The following ZNF610 variants were observed in gnomAD, a reference collection of about 807,000 sequenced individuals.
ZNF610 encodes the protein zink finger protein.
A neutral mutation model predicts 14.1 loss-of-function variants in ZNF610; 14 were observed. The ratio of observed to expected loss-of-function variants is 0.99; its 90% confidence interval spans 0.65 to 1.55. The LOEUF is 1.55. ZNF610 is among the 40% of genes most tolerant of loss of function. The pLI, the probability that ZNF610 is intolerant of heterozygous loss-of-function variation, is 0.00. For synonymous variants in ZNF610, 185 were observed against 187.6 expected (o/e 0.99, Z 0.11); for missense variants, 530 against 558.0 (o/e 0.95, Z 0.51).
intron 5 of ZNF610, among the ~76,000 whole-genome samples, chr19:52,361,035 TG>T: frequency 6.6e-6 from 1 of 152,326 alleles, no homozygotes; most frequent in Middle Eastern, 3.4e-3. Context: ...TACTTGTTTT[TG>T]TTAGTAGTTA....
intron 1 of ZNF610, among the ~76,000 whole-genome samples, chr19:52,342,817 G>T (rs189465276): frequency 6.6e-6 from 1 of 152,172 alleles, no homozygotes; most frequent in Admixed American, 6.5e-5. Context: ...GAGCCACCGC[G>T]CCTGGCCCTG....
chr19:52,335,000 A>C (rs1177831779), upstream of ZNF610, among the ~76,000 whole-genome samples: 1 of 114,440 alleles, frequency 8.7e-6, no homozygotes, highest in Non-Finnish European at 1.9e-5. Flanking sequence ...TGGTTTTTTT[A>C]AAAGCAACAG....
intron 2 of ZNF610, 68 bp from the exon 3 acceptor site, chr19:52,349,086 T>G: frequency 8.9e-7 from 1 of 1,124,694 alleles, no homozygotes; most frequent in Non-Finnish European, 1.3e-6. Flanking sequence ...AACCTGTGTG[T>G]GTGGTTGTGG....
chr19:52,334,294 C>T (rs1379992635), upstream of ZNF610, among the ~76,000 whole-genome samples: 1 of 138,922 alleles, frequency 7.2e-6, no homozygotes, highest in Non-Finnish European at 1.6e-5. Context: ...GCAGGTGGAT[C>T]ACGAGGTCAG....
intron 2 of ZNF610, 44 bp from the exon 3 acceptor site, chr19:52,349,110 A>G (rs1985109114): frequency 7.1e-7 from 1 of 1,402,136 alleles, no homozygotes; most frequent in African/African-American, 1.4e-5. Context: ...AGGGAGGGGA[A>G]TGTGTTGATT....
At chr19:52,339,073 G>T (rs946784913) in intron 1 of ZNF610, among the ~76,000 whole-genome samples, 5 of 151,976 alleles carry the variant, frequency 3.3e-5, no homozygotes, top group African/African-American at 9.7e-5. Flanking sequence ...ATAAGGAAAC[G>T]TGCTGTGCCT....
intron 4 of ZNF610, 78 bp from the exon 5 acceptor site, chr19:52,354,173 T>C: frequency 6.4e-7 from 1 of 1,568,210 alleles, no homozygotes; most frequent in Non-Finnish European, 8.6e-7. Context: ...ATTTGCGATA[T>C]CCCCTCTCTT....
chr19:52,350,416 G>A (rs916215962), intron 3 of ZNF610, among the ~76,000 whole-genome samples: 3 of 152,166 alleles, frequency 2.0e-5, no homozygotes, highest in Non-Finnish European at 2.9e-5. Context: ...GGTGGCTCAC[G>A]CCTGTAATCC....
Position 52,349,106 on chromosome 19 carries a change from G to A in ZNF610, c.-19-48G>A, listed in dbSNP as rs897792558. 3.6e-6 allele frequency: 5 copies of A among 1,381,470 alleles called. No individual in the cohort carries two copies. In the African/African-American group the frequency reaches 7.1e-5, roughly 20 times the overall value. 85.6% of individuals were successfully genotyped at this position (1,381,470 alleles called of 1,614,324 possible). ...GTGTGTGTGGTTGTGGCATAGGGAG[G>A]GGAATGTGTTGATTCCGAGCAGTAA... On this transcript the variant is annotated intron_variant, in intron 2 of 5. Transcript: ENST00000403906.
chr19:52,360,873 G>A (rs1985739944), intron 5 of ZNF610, among the ~76,000 whole-genome samples: 1 of 152,152 alleles, frequency 6.6e-6, no homozygotes, highest in Admixed American at 6.5e-5. Flanking sequence ...TTTTCTTAGA[G>A]CCTTTGTGTG....
chr19:52,357,240 G>A lies in ZNF610; in HGVS notation c.319+2861G>A, dbSNP rs534003673. The stretch of plus-strand genomic sequence containing the variant: ...AGCGTATTTTAAAGGCTCCAGGCCC[G>A]GCATGGTACCTCATATCTGTAACCC... On this transcript the variant is annotated intron_variant, in intron 5 of 5. Transcript: ENST00000403906. Among the ~76,000 whole-genome samples the A allele has an allele frequency of 7.3e-4, 111 of 152,268 alleles. 2 individuals are homozygous for A. The highest frequency in any genetic ancestry group is 3.6e-3 in the Admixed American group (55 of 15,292).
chr19:52,355,146 G>A (rs1985465469), intron 5 of ZNF610, among the ~76,000 whole-genome samples: 1 of 152,120 alleles, frequency 6.6e-6, no homozygotes, highest in South Asian at 2.1e-4. Context: ...AAGAACACAG[G>A]GAGCATTGTT....
At chr19:52,333,725 G>A (rs961150712), upstream of ZNF610, among the ~76,000 whole-genome samples, 1 of 152,198 alleles carries the variant, frequency 6.6e-6, no homozygotes, top group Non-Finnish European at 1.5e-5. Context: ...CTTTAAAGGA[G>A]AACTTTAAAC....
chr19:52,358,269 T>C (rs2560885), intron 5 of ZNF610, among the ~76,000 whole-genome samples: 30,240 of 152,104 alleles, frequency 0.2, 3,183 homozygotes, highest in East Asian at 0.33. Flanking sequence ...CTGCAACCTC[T>C]GCCTCCCGGG....
rs1985408533 is a variant in ZNF610, at chr19:52,354,229, GTTTC to G, written c.191-14_191-11del. 1 of 1,612,622 alleles carries G rather than the reference GTTTC, an allele frequency of 6.2e-7. No individual in the cohort carries two copies. Among genetic ancestry groups the G allele is most frequent in the Admixed American group, 1.7e-5 (1 of 59,590 alleles). ...TTTTGGAAATGCCCCAGCACATCTT[GTTTC>G]TTTCTTTTTATTAACAGGAATCTGT... is the stretch of plus-strand genomic sequence containing the variant. On this transcript the variant is annotated intron_variant, in intron 4 of 5. Transcript: ENST00000403906.
chr19:52,363,363 T>TAA lies in ZNF610; in HGVS notation c.320-2335_320-2334insAA, dbSNP rs573478924. On this transcript the variant is annotated intron_variant, in intron 5 of 5. Transcript: ENST00000403906. ...CCAGGCTGGTATCAAACTCCTGGCC[T>TAA]CAAGTGATCCTCCTGCCTCAGCCTC... Among the ~76,000 whole-genome samples the TAA allele has an allele frequency of 2.8e-3, 425 of 152,310 alleles. 3 individuals are homozygous for TAA. The highest frequency in any genetic ancestry group is 9.9e-3 in the African/African-American group (412 of 41,572).
chr19:52,361,870 T>C (rs1294521776), intron 5 of ZNF610, among the ~76,000 whole-genome samples: 1 of 152,156 alleles, frequency 6.6e-6, no homozygotes, highest in Non-Finnish European at 1.5e-5. Flanking sequence ...CTATTTAGTT[T>C]GGTTTTTTTT....
Position 52,336,453 on chromosome 19 carries a change from T to A in ZNF610, c.-311T>A, listed in dbSNP as rs567658613. On this transcript the variant is annotated 5_prime_UTR_variant, in exon 1 of 6. Transcript: ENST00000403906. ...AGAGTCCGGCGCTCGCTTCCCTGTGTGTTAAAATCGCTCGGCGACGGGTCC... is the reference window on the plus strand; with the variant it reads ...AGAGTCCGGCGCTCGCTTCCCTGTGAGTTAAAATCGCTCGGCGACGGGTCC... The A allele has an allele frequency of 3.2e-4, 55 of 173,244 alleles. 1 individual carries two copies. In the East Asian group the frequency reaches 8.8e-3, roughly 28 times the overall value. 10.7% of individuals were successfully genotyped at this position (173,244 alleles called of 1,614,324 possible).
intron 5 of ZNF610, among the ~76,000 whole-genome samples, chr19:52,362,308 G>A (rs552041468): frequency 2.0e-5 from 3 of 152,354 alleles, no homozygotes; most frequent in South Asian, 4.1e-4. Context: ...CCACTGGGGC[G>A]GCTGAGGCAG....
Sources: allele counts gnomAD v4.1 joint callset (sites outside exome capture counted in the v4.1 genomes callset), GRCh38; gene constraint gnomAD v4.1.1; transcripts MANE v1.5; gene names NCBI Gene and HGNC (gene_info 2026-07-23, HGNC 2026-07-21).